HECTD4: variants seen among roughly 807,000 people sequenced by gnomAD.
HECTD4 encodes the protein HECT domain E3 ubiquitin protein ligase 4, also known as probable E3 ubiquitin-protein ligase HECTD4.
Under a neutral mutation model 471.5 loss-of-function variants are expected in HECTD4, and 114 were observed. The observed-to-expected ratio is 0.24, with a 90% CI of 0.21 to 0.28. The LOEUF is 0.28. Among genes scored for constraint, HECTD4 ranks in the 10% least tolerant of loss-of-function variants. HECTD4 has a pLI of 1.00. For missense variants in HECTD4, 3,866 were observed against 5,651.5 expected (o/e 0.68, Z 10.13); for synonymous variants, 2,012 against 2,256.0 (o/e 0.89, Z 3.07).
At chr12:112,252,810 ATTT>A (rs199504908) in intron 22 of HECTD4, among the ~76,000 whole-genome samples, 5 of 140,988 alleles carry the variant, frequency 3.5e-5, no homozygotes, top group Non-Finnish European at 3.1e-5. Context: ...CTTGAAAATA[ATTT>A]TTTTTTTTTT....
Position 112,256,502 on chromosome 12 carries a change from C to T in HECTD4, c.3145G>A (p.Glu1049Lys). The change falls in exon 21 of 76, where the codon GAA (glutamate) becomes AAA (lysine). Residue 1049 changes from glutamate (E) to lysine (K), a missense_variant. Physicochemically the swap from Glu to Lys is moderately conservative, Grantham distance 56. This residue lies in a region of HECTD4 where 525 missense variants were observed against 672.6 expected (regional missense o/e 0.78). Transcript: ENST00000682272. ...AAACCAGTGAGAAATCCTGGCTCTTCCTTCTCTTCTAACATTCTAAACAGA... is the reference window on the plus strand; with the variant it reads ...AAACCAGTGAGAAATCCTGGCTCTTTCTTCTCTTCTAACATTCTAAACAGA... ...FPDERMLEEK[E>K]EPGFLTGLKI... The T allele has an allele frequency of 1.3e-6, 2 of 1,589,036 alleles. No homozygotes were observed. Among genetic ancestry groups the T allele is most frequent in the South Asian group, 2.3e-5 (2 of 85,470 alleles).
intron 25 of HECTD4, 94 bp from the exon 26 acceptor site, chr12:112,248,606 G>T: frequency 4.7e-6 from 4 of 849,754 alleles, no homozygotes; most frequent in Non-Finnish European, 6.9e-6. Context: ...TTAGAGACAA[G>T]GTCTCCCTCT....
At chr12:112,287,467 G>C (rs1379379470) in intron 7 of HECTD4, among the ~76,000 whole-genome samples, 1 of 152,086 alleles carries the variant, frequency 6.6e-6, no homozygotes. Flanking sequence ...TTACTACATT[G>C]ACAATACCTT....
intron 1 of HECTD4, among the ~76,000 whole-genome samples, chr12:112,337,693 C>T (rs1285692899): frequency 6.6e-6 from 1 of 152,156 alleles, no homozygotes; most frequent in African/African-American, 2.4e-5. Flanking sequence ...AACCAAATCC[C>T]TCAACTTCAT....
chr12:112,241,067 A>C (rs1185998792), intron 32 of HECTD4, among the ~76,000 whole-genome samples: 1 of 152,248 alleles, frequency 6.6e-6, no homozygotes, highest in Non-Finnish European at 1.5e-5. Flanking sequence ...CACTAAGAAC[A>C]CTACGGGAGA....
At chr12:112,168,831 C>T (rs1169196197) in intron 70 of HECTD4, among the ~76,000 whole-genome samples, 2 of 152,172 alleles carry the variant, frequency 1.3e-5, no homozygotes, top group Non-Finnish European at 2.9e-5. Context: ...AGGTGTCGAG[C>T]GTGAGTCTGG....
At chr12:112,260,797 T>A (rs1288119619) in intron 18 of HECTD4, among the ~76,000 whole-genome samples, 1 of 151,642 alleles carries the variant, frequency 6.6e-6, no homozygotes, top group African/African-American at 2.4e-5. Context: ...GCAGAAATTT[T>A]AATGTGAAAG....
intron 4 of HECTD4, among the ~76,000 whole-genome samples, chr12:112,312,336 C>T (rs2035389945): frequency 2.0e-5 from 3 of 152,172 alleles, no homozygotes; most frequent in Admixed American, 2.0e-4. Context: ...TACCTCTTGG[C>T]AAGCCTGCAA....
chr12:112,324,201 A>G (rs557390795), intron 1 of HECTD4, among the ~76,000 whole-genome samples: 17 of 148,900 alleles, frequency 1.1e-4, no homozygotes, highest in Non-Finnish European at 2.2e-4. Context: ...TGGAGCCTCA[A>G]GCTTCCCAGG....
chr12:112,213,141 A>C lies in HECTD4; in HGVS notation c.7466-491T>G, dbSNP rs1482392718. 1.3e-5 allele frequency among the ~76,000 whole-genome samples: 2 copies of C among 152,156 alleles called. No homozygotes were observed. The highest frequency in any genetic ancestry group is 2.9e-5 in the Non-Finnish European group (2 of 68,028). On this transcript the variant is annotated intron_variant, in intron 48 of 75. Transcript: ENST00000682272. The surrounding 1 kb of genome is among the most constrained non-coding windows in gnomAD (Gnocchi z 4.0). ...TAAAGTAACATAACAGAAACAACCC[A>C]TTTAAAGAAGCTGTCAGAATTTTTA...
Position 112,162,826 on chromosome 12 carries a change from C to T in HECTD4, c.13120+216G>A. 2 of 542,398 alleles carry T rather than the reference C, an allele frequency of 3.7e-6. No homozygotes were observed. Among genetic ancestry groups the T allele is most frequent in the African/African-American group, 1.9e-5 (1 of 52,156 alleles). 33.6% of individuals were successfully genotyped at this position (542,398 alleles called of 1,614,324 possible). A position where few individuals can be genotyped will look rare whatever the true frequency, so the allele number is the denominator to read the frequency against. On this transcript the variant is annotated intron_variant, in intron 75 of 75. Transcript: ENST00000682272. The surrounding 1 kb of genome is among the most constrained non-coding windows in gnomAD (Gnocchi z 5.2). The stretch of plus-strand genomic sequence containing the variant: ...TAAAAGTTAGAAGATTTGAAGCATT[C>T]TGGATTTTCAGCTTCTTTTAAGATA...
At chr12:112,296,713 A>C (rs180885615) in intron 7 of HECTD4, among the ~76,000 whole-genome samples, 63 of 147,040 alleles carry the variant, frequency 4.3e-4, no homozygotes, top group African/African-American at 1.6e-3. Context: ...GGTGCAGTGG[A>C]TCTAGGTGCA....
At chr12:112,315,895 TAAAA>T (rs570049819) in intron 2 of HECTD4, among the ~76,000 whole-genome samples, 1 of 93,040 alleles carries the variant, frequency 1.1e-5, no homozygotes, top group Admixed American at 1.2e-4. Context: ...GACCATGTCT[TAAAA>T]AAAAAAAAAA....
intron 44 of HECTD4, among the ~76,000 whole-genome samples, chr12:112,223,407 A>T (rs962985365): frequency 1.3e-5 from 2 of 151,906 alleles, no homozygotes; most frequent in Non-Finnish European, 2.9e-5. Context: ...ATGTCTCAGG[A>T]ATATTTCTTT....
chr12:112,275,305 A>G (rs1471808127), intron 9 of HECTD4, among the ~76,000 whole-genome samples: 1 of 152,254 alleles, frequency 6.6e-6, no homozygotes, highest in African/African-American at 2.4e-5. Context: ...TACAAGAAAC[A>G]CTTGGCAGTT....
At chr12:112,286,779 C>T (rs1307327985) in intron 7 of HECTD4, among the ~76,000 whole-genome samples, 36 of 152,180 alleles carry the variant, frequency 2.4e-4, no homozygotes, top group Admixed American at 2.4e-3. Context: ...ATGATAAAAT[C>T]CAAATTACTG....
chr12:112,230,644 C>A, intron 40 of HECTD4, 43 bp downstream of exon 40: 2 of 1,559,248 alleles, frequency 1.3e-6, no homozygotes, highest in Non-Finnish European at 1.7e-6. Context: ...TTCTAATTAG[C>A]TTACTTCTTA....
chr12:112,233,861 A>G (rs1424264700), intron 37 of HECTD4, among the ~76,000 whole-genome samples: 1 of 152,122 alleles, frequency 6.6e-6, no homozygotes, highest in Non-Finnish European at 1.5e-5. Flanking sequence ...TTCAAACAAA[A>G]CTGTGAAGAA....
At chr12:112,261,759 GAGCTCCTGGTGGCC>G (rs1358672705) in intron 17 of HECTD4, 1 of 181,820 alleles carries the variant, frequency 5.5e-6, no homozygotes, top group African/African-American at 2.3e-5. Context: ...CAGCACAAGA[GAGCTCCTGGTGGCC>G]AGCCCAGAAA....
Sources: allele counts gnomAD v4.1 joint callset (sites outside exome capture counted in the v4.1 genomes callset), GRCh38; gene constraint gnomAD v4.1.1; regional missense constraint gnomAD v4.1.1; non-coding constraint Gnocchi (gnomAD v3.1); transcripts MANE v1.5; gene names NCBI Gene and HGNC (gene_info 2026-07-23, HGNC 2026-07-21).